The following ARHGAP20 variants were observed in gnomAD, a reference collection of about 807,000 sequenced individuals.
ARHGAP20 encodes rho GTPase-activating protein 20.
ARHGAP20 carries 34 observed loss-of-function variants against 73.7 expected under a neutral mutation model. The observed-to-expected ratio is 0.46, with a 90% CI of 0.35 to 0.61. The LOEUF is 0.61. Among genes scored for constraint, ARHGAP20 ranks in the 20% least tolerant of loss-of-function variants. ARHGAP20 has a pLI of 0.00. For missense variants in ARHGAP20, 1,314 were observed against 1,420.9 expected (o/e 0.92, Z 1.21); for synonymous variants, 523 against 518.2 (o/e 1.01, Z -0.13).
In ARHGAP20 at chr11:110,690,461, T is replaced by C. The variant is rs890884068; in HGVS notation, c.188+86A>G. On this transcript the variant is annotated intron_variant, in intron 2 of 14. Coordinates refer to ENST00000683387, the MANE Select transcript of ARHGAP20 (RefSeq NM_001384657.1). Reference sequence around the variant, plus strand: ...CTGATAACAAACAACCTCTACACATTAAAGAATATGTGATCTGAAAAACTC... The same window carrying C: ...CTGATAACAAACAACCTCTACACATCAAAGAATATGTGATCTGAAAAACTC... The C allele has an allele frequency of 3.0e-5, 39 of 1,316,156 alleles. No homozygotes were observed. The Admixed American group carries it at 6.9e-4, about 23-fold the overall frequency. 81.5% of individuals were successfully genotyped at this position (1,316,156 alleles called of 1,614,324 possible). A position where few individuals can be genotyped will look rare whatever the true frequency, so the allele number is the denominator to read the frequency against.
At chr11:110,648,360 A>ATG (rs1565457778) in intron 2 of ARHGAP20, among the ~76,000 whole-genome samples, 4 of 149,288 alleles carry the variant, frequency 2.7e-5, no homozygotes, top group African/African-American at 9.9e-5. Flanking sequence ...ATACATATAT[A>ATG]TATGTGGATA....
intron 4 of ARHGAP20, among the ~76,000 whole-genome samples, chr11:110,617,691 T>G (rs1293252262): frequency 6.6e-5 from 10 of 152,118 alleles, no homozygotes; most frequent in Non-Finnish European, 1.5e-4. Context: ...TATTTCCCTT[T>G]CCCCCCTGCT....
chr11:110,629,404 C>G (rs966666945), intron 3 of ARHGAP20, among the ~76,000 whole-genome samples: 1 of 152,154 alleles, frequency 6.6e-6, no homozygotes, highest in African/African-American at 2.4e-5. Flanking sequence ...ATAAAGAACT[C>G]ATCCAATAAT....
intron 9 of ARHGAP20, among the ~76,000 whole-genome samples, chr11:110,601,565 T>C (rs1299457224): frequency 1.3e-5 from 2 of 152,258 alleles, no homozygotes; most frequent in African/African-American, 4.8e-5. Context: ...CTATGCTCCC[T>C]GGACTAAATC....
intron 2 of ARHGAP20, among the ~76,000 whole-genome samples, chr11:110,651,524 TA>T (rs1465296565): frequency 6.6e-6 from 1 of 150,798 alleles, no homozygotes; most frequent in Non-Finnish European, 1.5e-5. Flanking sequence ...ATAGATGCAA[TA>T]AAAAATGATA....
intron 2 of ARHGAP20, among the ~76,000 whole-genome samples, chr11:110,678,421 C>A (rs1362738165): frequency 3.3e-5 from 5 of 152,142 alleles, no homozygotes; most frequent in African/African-American, 1.2e-4. Flanking sequence ...TGTTGTCTGG[C>A]CCCTTTTTCA....
chr11:110,624,499 T>C (rs112443920), intron 3 of ARHGAP20, among the ~76,000 whole-genome samples, 188 bp from the exon 4 acceptor site: 137 of 146,140 alleles, frequency 9.4e-4, no homozygotes, highest in African/African-American at 3.3e-3. Context: ...GAATAACACA[T>C]ACCAGGGCCT....
chr11:110,640,004 C>G (rs958683356), intron 2 of ARHGAP20, among the ~76,000 whole-genome samples: 5 of 152,050 alleles, frequency 3.3e-5, no homozygotes, highest in South Asian at 2.1e-4. Flanking sequence ...GAGGAACTGC[C>G]AAACTGTTTC....
At chr11:110,612,243 C>A (rs1461772333) in intron 6 of ARHGAP20, among the ~76,000 whole-genome samples, 1 of 149,890 alleles carries the variant, frequency 6.7e-6, no homozygotes, top group East Asian at 2.0e-4. Context: ...ATGGTGAAAC[C>A]CCGTCTCTAC....
intron 2 of ARHGAP20, among the ~76,000 whole-genome samples, chr11:110,669,660 AG>A (rs1337268769): frequency 1.3e-4 from 20 of 152,190 alleles, no homozygotes; most frequent in Admixed American, 3.9e-4. Flanking sequence ...TTCTGACCAG[AG>A]CAAGTGTTGA....
At chr11:110,648,765 G>A (rs1327535134) in intron 2 of ARHGAP20, among the ~76,000 whole-genome samples, 3 of 152,054 alleles carry the variant, frequency 2.0e-5, no homozygotes, top group African/African-American at 7.2e-5. Context: ...TTATAGGCAT[G>A]AGCCACCGCA....
intron 1 of ARHGAP20, among the ~76,000 whole-genome samples, chr11:110,702,846 C>G (rs1950481412): frequency 6.6e-6 from 1 of 152,080 alleles, no homozygotes; most frequent in African/African-American, 2.4e-5. Flanking sequence ...AGGACCTCTT[C>G]AAGGAGAACT....
chr11:110,654,310 A>T (rs1949420102), intron 2 of ARHGAP20, among the ~76,000 whole-genome samples: 1 of 152,190 alleles, frequency 6.6e-6, no homozygotes, highest in Non-Finnish European at 1.5e-5. Context: ...CCCATTGAAC[A>T]CCAGTTATGG....
Position 110,630,767 on chromosome 11 carries a change from T to C in ARHGAP20, c.214A>G (p.Thr72Ala), listed in dbSNP as rs775639997. Residue 72 changes from threonine to alanine, a missense_variant, in exon 3 of 15, where the codon ACA becomes GCA. Transcript: ENST00000683387. ...TRDSPSASVDTCTFLSSLVCS... is the reference protein window; with the variant it reads ...TRDSPSASVDACTFLSSLVCS... ...ACTAATGATGACAGAAATGTGCATG[T>C]GTCAACACTAGCAGAAGGACTGTCC... 2 of 1,614,028 alleles carry C rather than the reference T, an allele frequency of 1.2e-6. No individual in the cohort carries two copies. The highest frequency in any genetic ancestry group is 1.1e-5 in the South Asian group (1 of 91,070).
intron 1 of ARHGAP20, among the ~76,000 whole-genome samples, chr11:110,696,283 T>A (rs778712180): frequency 2.0e-5 from 3 of 151,566 alleles, no homozygotes; most frequent in Non-Finnish European, 3.0e-5. Flanking sequence ...TAAAAGCCGC[T>A]GAACATAACT....
chr11:110,693,079 G>A (rs1398624625), intron 1 of ARHGAP20, among the ~76,000 whole-genome samples: 1 of 151,910 alleles, frequency 6.6e-6, no homozygotes, highest in Non-Finnish European at 1.5e-5. Flanking sequence ...TTCTGAAAAG[G>A]TGCTTTTGAA....
rs190635899 is a variant in ARHGAP20 at position 110,682,000 on chromosome 11, C to T, written c.188+8547G>A. On this transcript the variant is annotated intron_variant, in intron 2 of 14. Coordinates refer to ENST00000683387, the MANE Select transcript of ARHGAP20 (RefSeq NM_001384657.1). Reference sequence around the variant, plus strand: ...ATTTCCCAGAGTCATTCTAGGCATACTGAGAACCTCTACATAGGGAGAACT... The same window carrying T: ...ATTTCCCAGAGTCATTCTAGGCATATTGAGAACCTCTACATAGGGAGAACT... 2.4e-3 allele frequency among the ~76,000 whole-genome samples: 359 copies of T among 152,298 alleles called. 2 individuals carry two copies. Among genetic ancestry groups the T allele is most frequent in the Non-Finnish European group, 3.7e-3 (253 of 68,018 alleles).
intron 2 of ARHGAP20, among the ~76,000 whole-genome samples, chr11:110,631,374 C>T (rs575967647): frequency 6.6e-6 from 1 of 152,192 alleles, no homozygotes; most frequent in African/African-American, 2.4e-5. Context: ...CAAATATAGT[C>T]TCTATGGATT....
At chr11:110,711,520 G>T in intron 1 of ARHGAP20, 1 of 1,174,590 alleles carries the variant, frequency 8.5e-7, no homozygotes, top group South Asian at 2.0e-5. Context: ...CCACCTGGGA[G>T]ACCCGGAATC....
Sources: allele counts gnomAD v4.1 joint callset (sites outside exome capture counted in the v4.1 genomes callset), GRCh38; gene constraint gnomAD v4.1.1; transcripts MANE v1.5; gene names NCBI Gene and HGNC (gene_info 2026-07-23, HGNC 2026-07-21).